Variants in BCAS3 observed in about 807,000 individuals in gnomAD.
BCAS3 encodes the protein BCAS4/BCAS3 fusion.
BCAS3 carries 53 observed loss-of-function variants against 116.1 expected under a neutral mutation model. The ratio of observed to expected loss-of-function variants is 0.46; its 90% CI spans 0.37 to 0.57. The LOEUF is 0.57. BCAS3 is among the 20% of genes least tolerant of loss of function. The pLI, the probability that BCAS3 is intolerant of heterozygous loss-of-function variation, is 0.00. For synonymous variants in BCAS3, 391 were observed against 408.2 expected, an observed-to-expected ratio of 0.96 and a Z score of 0.51; for missense variants, 917 against 1,165.4, an observed-to-expected ratio of 0.79 and a Z score of 3.10.
chr17:60,863,809 CA>C (rs1040218595), intron 7 of BCAS3, among the ~76,000 whole-genome samples: 8 of 150,326 alleles, frequency 5.3e-5, no homozygotes, highest in East Asian at 3.9e-4. Flanking sequence ...GGCATTATGT[CA>C]AAAAAAAATC....
At chr17:61,375,824 C>T (rs951293429) in intron 23 of BCAS3, among the ~76,000 whole-genome samples, 30 of 152,134 alleles carry the variant, frequency 2.0e-4, no homozygotes, top group Admixed American at 1.6e-3. Context: ...CCACCCACCT[C>T]GGCCTCCCAA....
intron 3 of BCAS3, chr17:60,688,293 A>G (rs1350072797): frequency 6.6e-6 from 1 of 152,038 alleles, no homozygotes; most frequent in African/African-American, 2.4e-5. Context: ...ATTAGATTAG[A>G]TAATATTAGG....
chr17:61,338,482 G>C (rs1382032720), intron 22 of BCAS3, among the ~76,000 whole-genome samples: 3 of 146,238 alleles, frequency 2.1e-5, no homozygotes, highest in African/African-American at 7.4e-5. Context: ...TATTGTGTTT[G>C]AAGTATCTTT....
intron 22 of BCAS3, among the ~76,000 whole-genome samples, chr17:61,294,321 C>G (rs187056744): frequency 3.3e-5 from 5 of 152,250 alleles, no homozygotes; most frequent in Admixed American, 2.6e-4. Context: ...GGTCCTTTCC[C>G]TCTTTATTTG....
chr17:60,712,210 C>T (rs1382287954), intron 5 of BCAS3, among the ~76,000 whole-genome samples: 1 of 148,870 alleles, frequency 6.7e-6, no homozygotes, highest in Non-Finnish European at 1.5e-5. Context: ...CTTGTCTCTA[C>T]AAAAAATTTT....
chr17:60,797,728 C>T (rs2047343484), intron 6 of BCAS3, among the ~76,000 whole-genome samples: 1 of 152,106 alleles, frequency 6.6e-6, no homozygotes, highest in African/African-American at 2.4e-5. Context: ...GTTCTTCTCT[C>T]TGTGTGCATG....
chr17:60,976,863 T>A (rs2062417715), intron 14 of BCAS3, among the ~76,000 whole-genome samples: 1 of 152,230 alleles, frequency 6.6e-6, no homozygotes. Flanking sequence ...AGTAACAATC[T>A]GATCTCTCTT....
chr17:61,040,742 C>A, intron 18 of BCAS3, 50 bp from the exon 19 acceptor site: 1 of 1,432,284 alleles, frequency 7.0e-7, no homozygotes, highest in Non-Finnish European at 9.9e-7. Context: ...TGGTGATTTA[C>A]ATCCCATCTA....
intron 11 of BCAS3, among the ~76,000 whole-genome samples, chr17:60,905,312 A>G (rs1377417437): frequency 1.3e-5 from 2 of 152,222 alleles, no homozygotes; most frequent in African/African-American, 2.4e-5. Flanking sequence ...CTGGTTTATC[A>G]CTCAAGATCA....
intron 6 of BCAS3, among the ~76,000 whole-genome samples, chr17:60,791,930 C>T (rs2144543572): frequency 6.6e-6 from 1 of 152,182 alleles, no homozygotes; most frequent in Non-Finnish European, 1.5e-5. Context: ...CAAGACCAGC[C>T]TGGCCAACAC....
At chr17:60,774,117 C>T (rs577224712) in intron 6 of BCAS3, among the ~76,000 whole-genome samples, 5 of 152,216 alleles carry the variant, frequency 3.3e-5, no homozygotes, top group African/African-American at 9.6e-5. Context: ...CACTTGATGT[C>T]GTTTCACAAC....
In BCAS3 at chr17:61,139,185, AT is replaced by A. The variant is rs1187723732; in HGVS notation, c.2425+54623del. 7.9e-5 allele frequency among the ~76,000 whole-genome samples: 12 copies of A among 152,316 alleles called. No homozygotes were observed. Among genetic ancestry groups the A allele is most frequent in the African/African-American group, 2.9e-4 (12 of 41,572 alleles). On this transcript the variant is annotated intron_variant, in intron 22 of 23. Coordinates refer to ENST00000407086, the MANE Select transcript of BCAS3 (RefSeq NM_017679.5). The surrounding 1 kb of genome is among the most constrained non-coding windows in gnomAD (Gnocchi z 4.7). ...GATAGAAGTTCTGAATTACGGATAC[AT>A]TCTTAGGCTTAAAGAGTACACATTT...
At chr17:61,382,956 T>C (rs2059677062) in intron 23 of BCAS3, 4 of 152,334 alleles carry the variant, frequency 2.6e-5, no homozygotes, top group Admixed American at 1.3e-4. Flanking sequence ...GACTGCACCT[T>C]GGACCCTGCT....
At chr17:60,924,224 G>A (rs557495241) in intron 12 of BCAS3, among the ~76,000 whole-genome samples, 183 bp from the exon 13 acceptor site, 31 of 152,226 alleles carry the variant, frequency 2.0e-4, no homozygotes, top group African/African-American at 7.2e-4. Context: ...ATGTGCGTGG[G>A]GGCATGTTAT....
intron 4 of BCAS3, among the ~76,000 whole-genome samples, chr17:60,692,877 A>G (rs2035046364): frequency 7.4e-6 from 1 of 134,660 alleles, no homozygotes; most frequent in African/African-American, 2.6e-5. Flanking sequence ...CCTGGGCGAC[A>G]GAGAGATATC....
At chr17:60,713,880 C>T (rs1032660397) in intron 5 of BCAS3, among the ~76,000 whole-genome samples, 1 of 152,194 alleles carries the variant, frequency 6.6e-6, no homozygotes, top group Non-Finnish European at 1.5e-5. Flanking sequence ...GTTGCCCAGG[C>T]TGGAGTGCAG....
Position 60,799,520 on chromosome 17 carries a change from GTTTGTTTT to G in BCAS3, c.404-8480_404-8473del, listed in dbSNP as rs1174658809. 5.0e-3 allele frequency among the ~76,000 whole-genome samples: 592 copies of G among 117,642 alleles called. 40 individuals carry two copies. The highest frequency in any genetic ancestry group is 0.02 in the African/African-American group (555 of 27,174). The allele number at this position is 117,642 out of a possible 152,430, so 77.2% of individuals were successfully genotyped here. A position where few individuals can be genotyped will look rare whatever the true frequency, so the allele number is the denominator to read the frequency against. Reference sequence around the variant, plus strand: ...AATATGTAAGTTTTTTGAGATTAGTGTTTGTTTTTTTTTTTTTTTTTTTTTGGAGACAG... The same window carrying G: ...AATATGTAAGTTTTTTGAGATTAGTGTTTTTTTTTTTTTTTTTGGAGACAG... On this transcript the variant is annotated intron_variant, in intron 6 of 23. Transcript: ENST00000407086.
intron 23 of BCAS3, among the ~76,000 whole-genome samples, chr17:61,371,935 C>A (rs182770373): frequency 3.9e-5 from 6 of 152,286 alleles, no homozygotes; most frequent in Admixed American, 1.3e-4. Flanking sequence ...TGGATGCCGA[C>A]CAAATAGTTG....
At chr17:60,886,348 A>G (rs1220205689) in intron 9 of BCAS3, 2 of 144,442 alleles carry the variant, frequency 1.4e-5, no homozygotes, top group African/African-American at 5.1e-5. Context: ...ACATTCTTCT[A>G]AATTTTTTTC....
Sources: gnomAD v4.1 joint callset for allele counts (sites outside exome capture counted in the v4.1 genomes callset) on GRCh38, gnomAD v4.1.1 for gene constraint, Gnocchi (gnomAD v3.1) non-coding constraint, MANE v1.5 for transcripts, NCBI Gene and HGNC (gene_info 2026-07-23, HGNC 2026-07-21) for gene names.